Variants in NEK3 observed in about 807,000 individuals in gnomAD.
NEK3 encodes NIMA related kinase 3.
In NEK3, 54 loss-of-function variants were observed where a neutral mutation model predicts 66.0. The ratio of observed to expected loss-of-function variants is 0.82; its 90% CI spans 0.66 to 1.03. The LOEUF (loss-of-function observed/expected upper bound fraction) is 1.03, where lower values mean the gene tolerates loss of function less well. NEK3 is among the 50% of genes least tolerant of loss of function. The pLI is 0.00. For synonymous variants in NEK3, 200 were observed against 206.2 expected, an observed-to-expected ratio of 0.97 and a Z score of 0.26; for missense variants, 593 against 603.0, an observed-to-expected ratio of 0.98 and a Z score of 0.17.
chr13:52,142,687 T>C (rs1327221663), intron 10 of NEK3, among the ~76,000 whole-genome samples: 1 of 152,216 alleles, frequency 6.6e-6, no homozygotes, highest in Non-Finnish European at 1.5e-5. Context: ...GTTCTCAAAA[T>C]GTTTCTTTTG....
rs1420425726 is a variant in NEK3, at chr13:52,159,579, G to A, written c.-94C>T. 1 of 152,278 alleles carries A rather than the reference G, an allele frequency of 6.6e-6. No individual in the cohort carries two copies. The highest frequency in any genetic ancestry group is 1.5e-5 in the Non-Finnish European group (1 of 68,110). The allele number at this position is 152,278 out of a possible 1,614,324, so 9.4% of individuals were successfully genotyped here. ...GCGACCCTAGTCCACTCCTTGGCCT[G>A]GCAACCGGCGGCTTCCGCGGGGCGG... On this transcript the variant is annotated 5_prime_UTR_variant, in exon 1 of 16. Transcript: ENST00000610828.
Position 52,152,647 on chromosome 13 carries a change from G to A in NEK3, c.355C>T (p.His119Tyr), listed in dbSNP as rs1366722942. The change falls in exon 5 of 16, where the codon CAC (histidine) becomes TAC (tyrosine). Residue 119 changes from histidine (H) to tyrosine (Y), a missense_variant. Coordinates refer to ENST00000610828, the MANE Select transcript of NEK3 (RefSeq NM_002498.3). ...TCTCTGTGTAGCACACGTTTCTTGT[G>A]AATGTGATTTACTCCAAGGCACATT... is the stretch of plus-strand genomic sequence containing the variant. ...TQMCLGVNHI[H>Y]KKRVLHRDIK... 1.9e-6 allele frequency: 3 copies of A among 1,610,912 alleles called. No individual in the cohort carries two copies. Among genetic ancestry groups the A allele is most frequent in the East Asian group, 2.2e-5 (1 of 44,670 alleles).
At chr13:52,151,671 T>C (rs1956347836) in intron 5 of NEK3, among the ~76,000 whole-genome samples, 2 of 152,228 alleles carry the variant, frequency 1.3e-5, no homozygotes, top group South Asian at 2.1e-4. Context: ...TGATGCCACA[T>C]GGCAGGCCCA....
At chr13:52,150,953 ACTTTT>A (rs1956340094) in intron 7 of NEK3, among the ~76,000 whole-genome samples, 188 bp downstream of exon 7, 1 of 152,190 alleles carries the variant, frequency 6.6e-6, no homozygotes, top group Non-Finnish European at 1.5e-5. Flanking sequence ...GAAAACTATT[ACTTTT>A]ATCTAGCAGC....
chr13:52,147,676 AAAG>A (rs1434231131), intron 8 of NEK3, among the ~76,000 whole-genome samples: 1 of 152,228 alleles, frequency 6.6e-6, no homozygotes, highest in Non-Finnish European at 1.5e-5. Context: ...AAAGTTTTAC[AAAG>A]AGATAGTAGT....
chr13:52,143,360 T>C (rs1179750883), intron 10 of NEK3, among the ~76,000 whole-genome samples: 1 of 149,992 alleles, frequency 6.7e-6, no homozygotes, highest in Non-Finnish European at 1.5e-5. Context: ...CAAAACTGAG[T>C]GGTGAATACG....
intron 3 of NEK3, 23 bp from the exon 4 acceptor site, chr13:52,154,015 A>G: frequency 2.5e-6 from 4 of 1,606,048 alleles, no homozygotes; most frequent in South Asian, 1.1e-5. Context: ...TAAGCTCTTT[A>G]GAAAAGCTGT....
rs959482814 is a variant in NEK3, at chr13:52,159,567, A to C, written c.-82T>G. 6.6e-6 allele frequency: 1 copy of C among 150,890 alleles called. No individual in the cohort carries two copies. The highest frequency in any genetic ancestry group is 2.4e-5 in the African/African-American group (1 of 40,886). The allele number at this position is 150,890 out of a possible 1,614,324, so 9.3% of individuals were successfully genotyped here. A position where few individuals can be genotyped will look rare whatever the true frequency, so the allele number is the denominator to read the frequency against. ...CCCGCTTCCCCGGCGACCCTAGTCC[A>C]CTCCTTGGCCTGGCAACCGGCGGCT... is the stretch of plus-strand genomic sequence containing the variant. On this transcript the variant is annotated 5_prime_UTR_variant, in exon 1 of 16. Coordinates refer to ENST00000610828, the MANE Select transcript of NEK3 (RefSeq NM_002498.3).
intron 11 of NEK3, among the ~76,000 whole-genome samples, chr13:52,139,997 T>C (rs1411843363): frequency 6.8e-6 from 1 of 146,006 alleles, no homozygotes; most frequent in Non-Finnish European, 1.5e-5. Context: ...AACACAGGGG[T>C]TTGAGACCAG....
At chr13:52,140,176 T>C (rs1956236032) in intron 11 of NEK3, among the ~76,000 whole-genome samples, 1 of 144,068 alleles carries the variant, frequency 6.9e-6, no homozygotes, top group Non-Finnish European at 1.5e-5. Context: ...GTTCACGTCA[T>C]TGCACTCCAG....
chr13:52,139,824 G>A (rs1206674066), intron 11 of NEK3, among the ~76,000 whole-genome samples: 2 of 151,632 alleles, frequency 1.3e-5, no homozygotes, highest in African/African-American at 2.4e-5. Flanking sequence ...GCTTGAACCC[G>A]GGAGGCAGAG....
At chr13:52,155,978 G>T (rs1432925795) in intron 2 of NEK3, 97 bp downstream of exon 2, 1 of 685,644 alleles carries the variant, frequency 1.5e-6, no homozygotes, top group Non-Finnish European at 2.4e-6. Context: ...AAAGTGCTGG[G>T]ATTACAGGTG....
intron 11 of NEK3, 95 bp downstream of exon 11, chr13:52,140,925 C>T: frequency 3.1e-6 from 3 of 978,668 alleles, no homozygotes; most frequent in Non-Finnish European, 4.4e-6. Flanking sequence ...CTTGATTCTC[C>T]TGCCTCAACC....
intron 10 of NEK3, among the ~76,000 whole-genome samples, chr13:52,143,168 T>C (rs1956264913): frequency 6.6e-6 from 1 of 152,010 alleles, no homozygotes; most frequent in Non-Finnish European, 1.5e-5. Context: ...TTCAAAAAAT[T>C]AGCCAGGCAT....
In NEK3 at chr13:52,135,758, G is replaced by T; in HGVS notation, c.1280C>A (p.Ala427Asp). ...NILKNADLSL[A>D]FQTYTIYRPG... ...TCTATATATTGTGTATGTTTGAAAA[G>T]CCAAGCTGAGATCAGCATTCTTAAG... The change falls in exon 14 of 16, where the codon GCT becomes GAT. Residue 427 changes from alanine (A) to aspartate (D), a missense_variant. By Grantham distance (126) the Ala-to-Asp change is moderately radical. Coordinates refer to ENST00000610828, the MANE Select transcript of NEK3 (RefSeq NM_002498.3). 1.2e-6 allele frequency: 2 copies of T among 1,613,538 alleles called. No individual in the cohort carries two copies. The highest frequency in any genetic ancestry group is 1.7e-6 in the Non-Finnish European group (2 of 1,179,650).
At chr13:52,154,372 C>T (rs1380223455) in intron 2 of NEK3, among the ~76,000 whole-genome samples, 199 bp from the exon 3 acceptor site, 1 of 152,094 alleles carries the variant, frequency 6.6e-6, no homozygotes, top group Non-Finnish European at 1.5e-5. Flanking sequence ...CTTGAGCTGA[C>T]CCCTTCATTG....
Position 52,132,948 on chromosome 13 carries a change from T to C in NEK3, c.*194A>G. The C allele has an allele frequency of 1.8e-6, 1 of 562,434 alleles. No individual in the cohort carries two copies. Among genetic ancestry groups the C allele is most frequent in the Non-Finnish European group, 3.2e-6 (1 of 315,024 alleles). The allele number at this position is 562,434 out of a possible 1,614,324, so 34.8% of individuals were successfully genotyped here. On this transcript the variant is annotated 3_prime_UTR_variant, in exon 16 of 16. Transcript: ENST00000610828. ...ATTCCACTATACCTTCTCCCTTGAGTTCAAAAACTTACAGGAGTTCTAGAC... is the reference window on the plus strand; with the variant it reads ...ATTCCACTATACCTTCTCCCTTGAGCTCAAAAACTTACAGGAGTTCTAGAC...
At position 52,144,858 on chromosome 13, in the gene NEK3, T is replaced by C. The variant is rs764806359; in HGVS notation, c.637A>G (p.Lys213Glu). Reference sequence around the variant, plus strand: ...GGACTGATGCACCCTTGACATACTTTGAGGATAAGATTTTTCCAACTATTT... The same window carrying C: ...GGACTGATGCACCCTTGACATACTTCGAGGATAAGATTTTTCCAACTATTT... ...QANSWKNLILKVCQGCISPLP... is the reference protein window; with the variant it reads ...QANSWKNLILEVCQGCISPLP... The change falls in exon 9 of 16, where the codon AAA becomes GAA. Residue 213 changes from lysine (K) to glutamate (E), a missense_variant. By Grantham distance (56) the Lys-to-Glu change is moderately conservative. Transcript: ENST00000610828. 6.2e-7 allele frequency: 1 copy of C among 1,610,138 alleles called. No individual in the cohort carries two copies.
intron 15 of NEK3, 29 bp from the exon 16 acceptor site, chr13:52,133,255 C>G: frequency 1.3e-6 from 2 of 1,530,350 alleles, no homozygotes; most frequent in Admixed American, 1.8e-5. Context: ...GACCATAAAC[C>G]TCTACATTAG....
Sources: gnomAD v4.1 joint callset for allele counts (sites outside exome capture counted in the v4.1 genomes callset) on GRCh38, gnomAD v4.1.1 for gene constraint, MANE v1.5 for transcripts, NCBI Gene and HGNC (gene_info 2026-07-23, HGNC 2026-07-21) for gene names.